Variants in IL1RAPL2 observed in about 807,000 individuals in gnomAD.
IL1RAPL2 encodes X-linked interleukin-1 receptor accessory protein-like 2.
In IL1RAPL2, 3 loss-of-function variants were observed where a neutral mutation model predicts 44.1. That is an observed-to-expected ratio of 0.07 (90% confidence interval 0.03 to 0.18). The LOEUF (loss-of-function observed/expected upper bound fraction) is 0.18. Among genes scored for constraint, IL1RAPL2 ranks in the 10% least tolerant of loss-of-function variants. The pLI, the probability that IL1RAPL2 is intolerant of heterozygous loss-of-function variation, is 1.00. For missense variants in IL1RAPL2, 391 were observed against 496.4 expected (o/e 0.79, Z 2.02); for synonymous variants, 181 against 178.8 (o/e 1.01, Z -0.10).
chrX:105,761,806 G>T (rs1329768782), intron 10 of IL1RAPL2, among the ~76,000 whole-genome samples: 1 of 112,125 alleles, frequency 8.9e-6, no homozygotes, highest in Admixed American at 9.5e-5. Context: ...TACAGGCTAA[G>T]TATCTGTCTT....
chrX:104,603,355 G>C (rs767539266), intron 1 of IL1RAPL2, among the ~76,000 whole-genome samples: 1 of 111,741 alleles, frequency 8.9e-6, no homozygotes, highest in South Asian at 3.8e-4. Context: ...AGAAACCAGT[G>C]CAAAATGGCT....
intron 1 of IL1RAPL2, among the ~76,000 whole-genome samples, chrX:104,595,203 G>T (rs1231095710): frequency 9.0e-6 from 1 of 111,014 alleles, no homozygotes; most frequent in Non-Finnish European, 1.9e-5. Flanking sequence ...AGAAATGTCA[G>T]ATTTGGGAGA....
At chrX:105,578,985 T>A (rs1339933358) in intron 6 of IL1RAPL2, among the ~76,000 whole-genome samples, 2 of 111,740 alleles carry the variant, frequency 1.8e-5, no homozygotes, top group African/African-American at 6.5e-5. Flanking sequence ...CCATCTCCCC[T>A]GGGAATAATG....
intron 2 of IL1RAPL2, among the ~76,000 whole-genome samples, chrX:104,878,244 A>G (rs1380600060): frequency 1.8e-5 from 2 of 111,704 alleles, no homozygotes; most frequent in Non-Finnish European, 3.8e-5. Flanking sequence ...TTCCACTAAT[A>G]TTATACCATC....
At chrX:104,761,921 C>CT (rs1316468108) in intron 2 of IL1RAPL2, among the ~76,000 whole-genome samples, 5 of 33,547 alleles carry the variant, frequency 1.5e-4, no homozygotes, top group East Asian at 6.9e-4. Flanking sequence ...CCTTCTCCTT[C>CT]TCCTTCTTCT....
chrX:104,736,731 C>A lies in IL1RAPL2; in HGVS notation c.82+77736C>A, dbSNP rs181803246. Among the ~76,000 whole-genome samples the A allele has an allele frequency of 4.3e-3, 479 of 112,123 alleles. 2 individuals carry two copies. The highest frequency in any genetic ancestry group is 0.015 in the African/African-American group (452 of 30,917). On this transcript the variant is annotated intron_variant, in intron 2 of 10. Transcript: ENST00000372582. ...CAAGAAATTAACTTCAGATTCTGACCAAATTTTTGCCAAGAGCCTAAAGTT... is the reference window on the plus strand; with the variant it reads ...CAAGAAATTAACTTCAGATTCTGACAAAATTTTTGCCAAGAGCCTAAAGTT...
chrX:104,624,557 A>G (rs953554769), intron 1 of IL1RAPL2, among the ~76,000 whole-genome samples: 2 of 111,848 alleles, frequency 1.8e-5, no homozygotes, highest in Admixed American at 1.9e-4. Flanking sequence ...CTCATATACT[A>G]TTGGTGGGAG....
At chrX:105,089,214 T>G (rs2032512913) in intron 2 of IL1RAPL2, among the ~76,000 whole-genome samples, 1 of 111,258 alleles carries the variant, frequency 9.0e-6, no homozygotes. Context: ...TTTTCAGCCA[T>G]GATACTATTT....
chrX:105,713,852 A>T (rs1170203611), intron 6 of IL1RAPL2, among the ~76,000 whole-genome samples: 1 of 110,359 alleles, frequency 9.1e-6, no homozygotes, highest in East Asian at 2.9e-4. Flanking sequence ...ATGCCTTTTC[A>T]CTCTTTACCT....
intron 2 of IL1RAPL2, among the ~76,000 whole-genome samples, chrX:104,822,412 A>C (rs2147624112): frequency 9.0e-6 from 1 of 111,661 alleles, no homozygotes; most frequent in Non-Finnish European, 1.9e-5. Context: ...ATCCATCTTG[A>C]GTTGATTTTT....
At chrX:105,753,649 C>A (rs967608886) in intron 9 of IL1RAPL2, among the ~76,000 whole-genome samples, 1 of 111,335 alleles carries the variant, frequency 9.0e-6, no homozygotes, top group Non-Finnish European at 1.9e-5. Flanking sequence ...ATTTTATGCA[C>A]AACAGTGGAA....
At chrX:105,759,515 C>T (rs2038669164) in intron 10 of IL1RAPL2, among the ~76,000 whole-genome samples, 1 of 112,124 alleles carries the variant, frequency 8.9e-6, no homozygotes, top group African/African-American at 3.2e-5. Context: ...TATTATCATG[C>T]TTATGGTTTA....
chrX:105,447,136 TGA>T (rs2035965453), intron 5 of IL1RAPL2, among the ~76,000 whole-genome samples: 3 of 51,945 alleles, frequency 5.8e-5, no homozygotes, highest in African/African-American at 7.6e-5. Flanking sequence ...AATATATATA[TGA>T]ATATAAATAT....
At chrX:104,587,284 T>C (rs747175645) in intron 1 of IL1RAPL2, among the ~76,000 whole-genome samples, 5 of 111,900 alleles carry the variant, frequency 4.5e-5, no homozygotes, top group Non-Finnish European at 9.4e-5. Flanking sequence ...TTTGCTATTA[T>C]CACATTATTT....
chrX:104,740,978 T>C (rs1026499854), intron 2 of IL1RAPL2, among the ~76,000 whole-genome samples: 5 of 111,465 alleles, frequency 4.5e-5, no homozygotes, highest in African/African-American at 1.6e-4. Context: ...AAGAAATCAC[T>C]TCTATTGTTT....
At chrX:104,888,649 A>G (rs182025141) in intron 2 of IL1RAPL2, among the ~76,000 whole-genome samples, 2 of 111,132 alleles carry the variant, frequency 1.8e-5, no homozygotes, top group Non-Finnish European at 3.8e-5. Context: ...AAACCAGTCC[A>G]ATCCTTCCCT....
intron 5 of IL1RAPL2, among the ~76,000 whole-genome samples, chrX:105,403,304 A>T (rs1042763350): frequency 1.8e-5 from 2 of 111,856 alleles, no homozygotes; most frequent in African/African-American, 6.5e-5. Flanking sequence ...ATGACTATAA[A>T]TGCACAGTTT....
At position 104,939,808 on chromosome X, in the gene IL1RAPL2, C is replaced by T. The variant is rs180914926; in HGVS notation, c.83-255667C>T. Among the ~76,000 whole-genome samples, 548 of 111,443 alleles carry T rather than the reference C, an allele frequency of 4.9e-3. 4 individuals carry two copies. The highest frequency in any genetic ancestry group is 7.6e-3 in the Non-Finnish European group (404 of 53,075). ...GATACATGCTACAACATGAATGAACCTTAAAAACATGTTAAGTAAAAGAAG... is the reference window on the plus strand; with the variant it reads ...GATACATGCTACAACATGAATGAACTTTAAAAACATGTTAAGTAAAAGAAG... On this transcript the variant is annotated intron_variant, in intron 2 of 10. Coordinates refer to ENST00000372582, the MANE Select transcript of IL1RAPL2 (RefSeq NM_017416.2).
intron 2 of IL1RAPL2, among the ~76,000 whole-genome samples, chrX:104,757,810 A>C (rs1457921465): frequency 8.9e-6 from 1 of 112,179 alleles, no homozygotes; most frequent in Non-Finnish European, 1.9e-5. Flanking sequence ...TTAAGAAAAG[A>C]AGATTTTTAT....
Sources: gnomAD v4.1 joint callset for allele counts (sites outside exome capture counted in the v4.1 genomes callset) on GRCh38, gnomAD v4.1.1 for gene constraint, MANE v1.5 for transcripts, NCBI Gene and HGNC (gene_info 2026-07-23, HGNC 2026-07-21) for gene names.